The following SUCLG2 variants were observed in gnomAD, a reference collection of about 807,000 sequenced individuals.
SUCLG2 encodes the protein succinate--CoA ligase [GDP-forming] subunit beta, mitochondrial.
Under a neutral mutation model 47.9 loss-of-function variants are expected in SUCLG2, and 42 were observed. That is an observed-to-expected ratio of 0.88 (90% CI 0.69 to 1.14). The LOEUF is 1.14. SUCLG2 is among the 50% of genes most tolerant of loss of function. The pLI is 0.00. For synonymous variants in SUCLG2, 195 were observed against 197.3 expected (o/e 0.99, Z 0.10); for missense variants, 571 against 525.9 (o/e 1.09, Z -0.84).
At position 67,529,552 on chromosome 3, in the gene SUCLG2, T is replaced by C. The variant is rs142588850; in HGVS notation, c.227-366A>G. On this transcript the variant is annotated intron_variant, in intron 2 of 10. Transcript: ENST00000307227. Reference sequence around the variant, plus strand: ...CACTCCCATGTGGCAGAGGCACCAGTTGGCCAGTAAGAGGAGCTAACCATC... The same window carrying C: ...CACTCCCATGTGGCAGAGGCACCAGCTGGCCAGTAAGAGGAGCTAACCATC... Among the ~76,000 whole-genome samples, 676 of 152,308 alleles carry C rather than the reference T, an allele frequency of 4.4e-3. 8 individuals carry two copies. In the East Asian group the frequency reaches 0.054, roughly 12 times the overall value.
chr3:67,441,193 A>C (rs952807641), intron 9 of SUCLG2, among the ~76,000 whole-genome samples: 5 of 151,778 alleles, frequency 3.3e-5, no homozygotes, highest in African/African-American at 1.2e-4. Flanking sequence ...ACATGGACAC[A>C]GGGAGGGGAA....
intron 7 of SUCLG2, among the ~76,000 whole-genome samples, chr3:67,508,087 C>G (rs1382988824): frequency 6.6e-6 from 1 of 152,182 alleles, no homozygotes; most frequent in African/African-American, 2.4e-5. Context: ...TCTACAACTA[C>G]CTGATGGATA....
intron 9 of SUCLG2, among the ~76,000 whole-genome samples, chr3:67,491,361 CTTTTTT>C (rs549763218): frequency 7.9e-6 from 1 of 125,854 alleles, no homozygotes; most frequent in Non-Finnish European, 1.6e-5. Flanking sequence ...TTTTCTTTTA[CTTTTTT>C]TTTTTTTTTT....
At chr3:67,404,176 G>T (rs146703070) in intron 9 of SUCLG2, among the ~76,000 whole-genome samples, 1 of 152,174 alleles carries the variant, frequency 6.6e-6, no homozygotes, top group Admixed American at 6.5e-5. Context: ...GAGCCACCGT[G>T]CCTGGCCTCT....
chr3:67,587,557 T>C (rs942745821), intron 2 of SUCLG2, among the ~76,000 whole-genome samples: 8 of 152,160 alleles, frequency 5.3e-5, no homozygotes, highest in African/African-American at 1.2e-4. Flanking sequence ...AGAAGGACCC[T>C]AGGAAAGTGC....
At chr3:67,473,576 T>C (rs542418349) in intron 9 of SUCLG2, among the ~76,000 whole-genome samples, 2 of 152,210 alleles carry the variant, frequency 1.3e-5, no homozygotes, top group Non-Finnish European at 2.9e-5. Context: ...GTCTTTTGAC[T>C]ACACGATACA....
chr3:67,429,072 C>T (rs1226412527), intron 9 of SUCLG2, among the ~76,000 whole-genome samples: 1 of 152,136 alleles, frequency 6.6e-6, no homozygotes, highest in Non-Finnish European at 1.5e-5. Context: ...CAAGGCAGGC[C>T]AACATTCAGA....
intron 5 of SUCLG2, among the ~76,000 whole-genome samples, chr3:67,519,561 C>T (rs1706040400): frequency 6.6e-6 from 1 of 152,038 alleles, no homozygotes; most frequent in African/African-American, 2.4e-5. Flanking sequence ...GTCGCAGTTT[C>T]CAAGAACCTG....
intron 9 of SUCLG2, among the ~76,000 whole-genome samples, chr3:67,481,504 A>G (rs1052364469): frequency 1.3e-5 from 2 of 152,238 alleles, no homozygotes; most frequent in Non-Finnish European, 2.9e-5. Flanking sequence ...TCAAACTCTA[A>G]CGTGCACAGC....
chr3:67,575,958 T>C (rs991388653), intron 2 of SUCLG2, among the ~76,000 whole-genome samples: 1 of 152,188 alleles, frequency 6.6e-6, no homozygotes, highest in South Asian at 2.1e-4. Context: ...TAGGCACTTA[T>C]CATCAGGCCA....
chr3:67,401,320 T>G (rs1702679187), intron 9 of SUCLG2, among the ~76,000 whole-genome samples: 1 of 152,136 alleles, frequency 6.6e-6, no homozygotes, highest in African/African-American at 2.4e-5. Flanking sequence ...GATTCAAATG[T>G]TTTCATGCTT....
intron 10 of SUCLG2, among the ~76,000 whole-genome samples, chr3:67,392,889 G>C (rs915368865): frequency 6.6e-6 from 1 of 151,850 alleles, no homozygotes; most frequent in Non-Finnish European, 1.5e-5. Context: ...ATCATAGCTT[G>C]CTGCAGCCTT....
chr3:67,601,690 C>T (rs1355414180), intron 2 of SUCLG2, among the ~76,000 whole-genome samples: 2 of 152,130 alleles, frequency 1.3e-5, no homozygotes, highest in Non-Finnish European at 2.9e-5. Context: ...AAAAACAAGT[C>T]GGCCAGGCCT....
At chr3:67,477,276 A>G (rs972604401) in intron 9 of SUCLG2, among the ~76,000 whole-genome samples, 1 of 152,116 alleles carries the variant, frequency 6.6e-6, no homozygotes, top group African/African-American at 2.4e-5. Context: ...AGATGCTTCT[A>G]ATGTGTACAA....
intron 10 of SUCLG2, among the ~76,000 whole-genome samples, chr3:67,366,183 C>G (rs78801402): frequency 6.6e-6 from 1 of 151,986 alleles, no homozygotes; most frequent in Admixed American, 6.6e-5. Context: ...GAAACTTGGT[C>G]GGGCGCAGTG....
chr3:67,479,417 A>G (rs1704852634), intron 9 of SUCLG2, among the ~76,000 whole-genome samples: 1 of 152,204 alleles, frequency 6.6e-6, no homozygotes, highest in South Asian at 2.1e-4. Flanking sequence ...TTATGAATCA[A>G]TTTTCTTGAC....
intron 2 of SUCLG2, among the ~76,000 whole-genome samples, chr3:67,587,157 A>T (rs1708044895): frequency 1.3e-5 from 2 of 152,226 alleles, no homozygotes; most frequent in Non-Finnish European, 1.5e-5. Flanking sequence ...GAACTGAGCT[A>T]AAAATGATTA....
intron 2 of SUCLG2, among the ~76,000 whole-genome samples, chr3:67,564,978 C>CT (rs894881594): frequency 1.8e-3 from 267 of 144,678 alleles, no homozygotes; most frequent in South Asian, 4.0e-3. Context: ...CTTCCCACTG[C>CT]TTTTTTTTTT....
At chr3:67,373,496 C>T (rs188443229), downstream of SUCLG2, among the ~76,000 whole-genome samples, 1 of 152,114 alleles carries the variant, frequency 6.6e-6, no homozygotes, top group Admixed American at 6.5e-5. Context: ...GGGGACACAG[C>T]CAAACCATAT....
Sources: allele counts gnomAD v4.1 joint callset (sites outside exome capture counted in the v4.1 genomes callset), GRCh38; gene constraint gnomAD v4.1.1; transcripts MANE v1.5; gene names NCBI Gene and HGNC (gene_info 2026-07-23, HGNC 2026-07-21).